Variants in PHACTR2 observed in about 807,000 individuals in gnomAD.
PHACTR2 encodes the protein phosphatase and actin regulator 2, also known as chromosome 6 open reading frame 56.
PHACTR2 carries 30 observed loss-of-function variants against 76.0 expected under a neutral mutation model. The ratio of observed to expected loss-of-function variants is 0.39; its 90% confidence interval spans 0.30 to 0.54. The LOEUF (loss-of-function observed/expected upper bound fraction) is 0.54, where lower values mean the gene tolerates loss of function less well. PHACTR2 is among the 20% of genes least tolerant of loss of function. PHACTR2 has a pLI of 0.61. For synonymous variants in PHACTR2, 292 were observed against 292.5 expected (o/e 1.00, Z 0.02); for missense variants, 696 against 781.1 (o/e 0.89, Z 1.30).
At position 143,539,784 on chromosome 6, in the gene PHACTR2, C is replaced by T. The variant is rs1202723444; in HGVS notation, c.217+2577C>T. Among the ~76,000 whole-genome samples the T allele has an allele frequency of 3.3e-5, 5 of 152,132 alleles. No individual in the cohort carries two copies. The highest frequency in any genetic ancestry group is 1.2e-4 in the African/African-American group (5 of 41,428). ...AACTGAATCTGCATTTTAATAAGAT[C>T]CCCAGGTTGTTCTTAGTCACCTTGC... On this transcript the variant is annotated intron_variant, in intron 1 of 11. Coordinates refer to the PHACTR2 transcript ENST00000367584. The surrounding 1 kb of genome is among the most constrained non-coding windows in gnomAD (Gnocchi z 4.3).
At position 143,625,633 on chromosome 6, in the gene PHACTR2, ATTAG is replaced by A. The variant is rs1776245053; in HGVS notation, c.13+17314_13+17317del. The stretch of plus-strand genomic sequence containing the variant: ...TTGCTAAAAATAACTGATGAAGCTT[ATTAG>A]TTCTTATTTTCTTTGTTTATCATAA... On this transcript the variant is annotated intron_variant, in intron 1 of 11. Coordinates refer to the PHACTR2 transcript ENST00000305766. The surrounding 1 kb of genome is among the most constrained non-coding windows in gnomAD (Gnocchi z 4.3). 6.6e-6 allele frequency among the ~76,000 whole-genome samples: 1 copy of A among 152,218 alleles called. No individual in the cohort carries two copies.
chr6:143,805,034 C>A (rs1224976739), intron 11 of PHACTR2, among the ~76,000 whole-genome samples: 1 of 152,178 alleles, frequency 6.6e-6, no homozygotes, highest in South Asian at 2.1e-4. Flanking sequence ...CACTAAGGGT[C>A]ACACTGCTAA....
At position 143,597,111 on chromosome 6, in the gene PHACTR2, C is replaced by T. The variant is rs1775763439; in HGVS notation, c.217+59904C>T. On this transcript the variant is annotated intron_variant, in intron 1 of 11. Coordinates refer to the PHACTR2 transcript ENST00000367584. This position sits in a 1 kb window ranked among gnomAD's most constrained non-coding sequence, Gnocchi z 5.7. ...CTACACTTGGCATGTATTTTCCCCT[C>T]TGTGTTCTCACGCTCCACACTGTGG... Among the ~76,000 whole-genome samples the T allele has an allele frequency of 6.6e-6, 1 of 152,228 alleles. No individual in the cohort carries two copies. The highest frequency in any genetic ancestry group is 6.5e-5 in the Admixed American group (1 of 15,288).
chr6:143,748,464 GA>G (rs1779117162), intron 2 of PHACTR2, among the ~76,000 whole-genome samples: 1 of 152,228 alleles, frequency 6.6e-6, no homozygotes, highest in Non-Finnish European at 1.5e-5. Context: ...GAACGCAGGG[GA>G]AAGAGTTATA....
At chr6:143,576,875 CAAAAAAAAAAAAAAAAAAAA>C (rs35937662) in intron 1 of PHACTR2, among the ~76,000 whole-genome samples, 1 of 102,552 alleles carries the variant, frequency 9.8e-6, no homozygotes, top group African/African-American at 3.8e-5. Flanking sequence ...GACTCTGTCT[CAAAAAAAAAAAAAAAAAAAA>C]AAAAAAAAAA....
rs976996047 is a variant in PHACTR2, at chr6:143,822,644, A to G, written c.1923-1030A>G. Among the ~76,000 whole-genome samples, 1 of 152,242 alleles carries G rather than the reference A, an allele frequency of 6.6e-6. No homozygotes were observed. The highest frequency in any genetic ancestry group is 2.4e-5 in the African/African-American group (1 of 41,474). On this transcript the variant is annotated intron_variant, in intron 12 of 12. Coordinates refer to ENST00000440869, the MANE Select transcript of PHACTR2 (RefSeq NM_001100164.2). This position sits in a 1 kb window ranked among gnomAD's most constrained non-coding sequence, Gnocchi z 5.5. ...GGGAAACCAATTAGGAGACTGGCTG[A>G]CCAGAGCAGATGAGCATTCGACTGT...
At chr6:143,564,181 G>GTGTATATA (rs1554287823) in intron 1 of PHACTR2, among the ~76,000 whole-genome samples, 2 of 56,266 alleles carry the variant, frequency 3.6e-5, no homozygotes, top group African/African-American at 6.5e-5. Flanking sequence ...ATGTGTGTGT[G>GTGTATATA]TATGTGTGTG....
chr6:143,573,850 C>T (rs1329877485), intron 1 of PHACTR2, among the ~76,000 whole-genome samples: 1 of 152,194 alleles, frequency 6.6e-6, no homozygotes, highest in African/African-American at 2.4e-5. Flanking sequence ...AGGCCCAGAA[C>T]TGGGTCTGGT....
intron 1 of PHACTR2, among the ~76,000 whole-genome samples, chr6:143,667,980 C>T (rs1301866262): frequency 6.6e-6 from 1 of 152,160 alleles, no homozygotes; most frequent in African/African-American, 2.4e-5. Context: ...GGAATGCTTC[C>T]AGCTTTTTCT....
Position 143,696,830 on chromosome 6 carries a change from TG to T in PHACTR2, c.47-15185del, listed in dbSNP as rs1304543638. On this transcript the variant is annotated intron_variant, in intron 1 of 12. Transcript: ENST00000440869. This position sits in a 1 kb window ranked among gnomAD's most constrained non-coding sequence, Gnocchi z 4.1. ...TGTCAGCCCTCTCTCCACTTGTGTTTGCTCCCCTTAGGGTACTGTTCTAACA... is the reference window on the plus strand; with the variant it reads ...TGTCAGCCCTCTCTCCACTTGTGTTTCTCCCCTTAGGGTACTGTTCTAACA... Among the ~76,000 whole-genome samples the T allele has an allele frequency of 6.6e-6, 1 of 152,202 alleles. No homozygotes were observed. The highest frequency in any genetic ancestry group is 1.5e-5 in the Non-Finnish European group (1 of 68,030).
intron 6 of PHACTR2, among the ~76,000 whole-genome samples, chr6:143,771,158 G>GTATATATATATATATATATATA (rs1341330418): frequency 6.9e-5 from 1 of 14,566 alleles, no homozygotes; most frequent in African/African-American, 1.5e-4. Flanking sequence ...ATATATATAT[G>GTATATATATATATATATATATA]TATATATATA....
rs1776242948 is a variant in PHACTR2 at position 143,625,528 on chromosome 6, G to A, written c.13+17206G>A. On this transcript the variant is annotated intron_variant, in intron 1 of 11. Transcript: ENST00000305766. This position sits in a 1 kb window ranked among gnomAD's most constrained non-coding sequence, Gnocchi z 4.3. ...ATAACTTATCGAATAGGTAATTGCTGCATATTGATTTCCATTTCCCCTTGT... is the reference window on the plus strand; with the variant it reads ...ATAACTTATCGAATAGGTAATTGCTACATATTGATTTCCATTTCCCCTTGT... 6.6e-6 allele frequency among the ~76,000 whole-genome samples: 1 copy of A among 152,172 alleles called. No individual in the cohort carries two copies. The highest frequency in any genetic ancestry group is 1.5e-5 in the Non-Finnish European group (1 of 68,036).
Position 143,611,906 on chromosome 6 carries a change from A to G in PHACTR2, c.13+3584A>G, listed in dbSNP as rs1033585650. On this transcript the variant is annotated intron_variant, in intron 1 of 11. Coordinates refer to the PHACTR2 transcript ENST00000305766. The surrounding 1 kb of genome is among the most constrained non-coding windows in gnomAD (Gnocchi z 4.4). ...CATCAGCAGAGCACGACGAGTGGATATGGAGGCAGGGAGAACTGCAGCAGT... is the reference window on the plus strand; with the variant it reads ...CATCAGCAGAGCACGACGAGTGGATGTGGAGGCAGGGAGAACTGCAGCAGT... 6.6e-6 allele frequency among the ~76,000 whole-genome samples: 1 copy of G among 152,200 alleles called. No homozygotes were observed. Among genetic ancestry groups the G allele is most frequent in the African/African-American group, 2.4e-5 (1 of 41,456 alleles).
In PHACTR2 at chr6:143,806,893, G is replaced by T. The variant is rs1242249559; in HGVS notation, c.1846-164G>T. ...GATCACTTGAGCCCAGGAGTTTGAG[G>T]CTGCAATGAGCCATGATCTCGCCAC... On this transcript the variant is annotated intron_variant, in intron 11 of 12. Transcript: ENST00000440869. The surrounding 1 kb of genome is among the most constrained non-coding windows in gnomAD (Gnocchi z 5.8). Among the ~76,000 whole-genome samples, 1 of 151,770 alleles carries T rather than the reference G, an allele frequency of 6.6e-6. No homozygotes were observed. The highest frequency in any genetic ancestry group is 2.4e-5 in the African/African-American group (1 of 41,274).
chr6:143,682,801 C>G (rs1777425137), intron 1 of PHACTR2, among the ~76,000 whole-genome samples: 1 of 147,236 alleles, frequency 6.8e-6, no homozygotes, highest in Non-Finnish European at 1.5e-5. Context: ...TTTTTTTTTA[C>G]CATTAACTGT....
chr6:143,755,935 G>A lies in PHACTR2; in HGVS notation c.454+2023G>A, dbSNP rs1477055358. 2.0e-5 allele frequency among the ~76,000 whole-genome samples: 3 copies of A among 151,786 alleles called. No homozygotes were observed. Among genetic ancestry groups the A allele is most frequent in the East Asian group, 3.9e-4 (2 of 5,134 alleles). On this transcript the variant is annotated intron_variant, in intron 4 of 12. Coordinates refer to ENST00000440869, the MANE Select transcript of PHACTR2 (RefSeq NM_001100164.2). This position sits in a 1 kb window ranked among gnomAD's most constrained non-coding sequence, Gnocchi z 5.2. ...CACTTTTGCCTCTGCTCCTCTTCTG[G>A]TCTCACTGCTTGTGTGAGCTCACTG... is the stretch of plus-strand genomic sequence containing the variant.
rs944450250 is a variant in PHACTR2 at position 143,722,603 on chromosome 6, C to T, written c.214+10420C>T. On this transcript the variant is annotated intron_variant, in intron 2 of 12. Transcript: ENST00000440869. The surrounding 1 kb of genome is among the most constrained non-coding windows in gnomAD (Gnocchi z 4.1). Reference sequence around the variant, plus strand: ...GATATACATCACCTCAAACATTTATCGTTTCTTTTTGTTAGAAATAGTCCA... The same window carrying T: ...GATATACATCACCTCAAACATTTATTGTTTCTTTTTGTTAGAAATAGTCCA... 6.6e-5 allele frequency among the ~76,000 whole-genome samples: 10 copies of T among 152,076 alleles called. No homozygotes were observed. Among genetic ancestry groups the T allele is most frequent in the African/African-American group, 9.7e-5 (4 of 41,396 alleles).
chr6:143,587,025 G>A (rs1239193211), intron 1 of PHACTR2, among the ~76,000 whole-genome samples: 1 of 152,106 alleles, frequency 6.6e-6, no homozygotes, highest in African/African-American at 2.4e-5. Context: ...AAGCCTGTTA[G>A]CTCCTCATAT....
At position 143,554,623 on chromosome 6, in the gene PHACTR2, G is replaced by A. The variant is rs1489892580; in HGVS notation, c.217+17416G>A. 3 of 152,198 alleles carry A rather than the reference G, an allele frequency of 2.0e-5. No homozygotes were observed. The highest frequency in any genetic ancestry group is 4.4e-5 in the Non-Finnish European group (3 of 68,048). 9.4% of individuals were successfully genotyped at this position (152,198 alleles called of 1,614,324 possible). On this transcript the variant is annotated intron_variant, in intron 1 of 11. Coordinates refer to the PHACTR2 transcript ENST00000367584. The surrounding 1 kb of genome is among the most constrained non-coding windows in gnomAD (Gnocchi z 5.9). ...GAAGGGCTAAGGAACTCGATTGAGGGTGGGAGTTCTCGGTAAACCAATTTA... is the reference window on the plus strand; with the variant it reads ...GAAGGGCTAAGGAACTCGATTGAGGATGGGAGTTCTCGGTAAACCAATTTA...
Sources: allele counts gnomAD v4.1 joint callset (sites outside exome capture counted in the v4.1 genomes callset), GRCh38; gene constraint gnomAD v4.1.1; non-coding constraint Gnocchi (gnomAD v3.1); transcripts MANE v1.5; gene names NCBI Gene and HGNC (gene_info 2026-07-23, HGNC 2026-07-21).